RIMS2: variants seen among roughly 807,000 people sequenced by gnomAD.
RIMS2 encodes the protein regulating synaptic membrane exocytosis protein 2.
In RIMS2, 59 loss-of-function variants were observed where a neutral mutation model predicts 174.4. The ratio of observed to expected loss-of-function variants is 0.34; its 90% CI spans 0.27 to 0.42. The LOEUF (loss-of-function observed/expected upper bound fraction) is 0.42, where lower values mean the gene tolerates loss of function less well. RIMS2 is among the 10% of genes least tolerant of loss of function. The pLI is 1.00. For missense variants in RIMS2, 1,620 were observed against 1,666.3 expected (o/e 0.97, Z 0.48); for synonymous variants, 606 against 572.5 (o/e 1.06, Z -0.84).
intron 1 of RIMS2, among the ~76,000 whole-genome samples, chr8:103,573,335 G>A (rs1297066526): frequency 1.3e-5 from 2 of 152,012 alleles, no homozygotes; most frequent in African/African-American, 2.4e-5. Flanking sequence ...AAGTGTTGGG[G>A]TTACAGGCAT....
At chr8:104,161,665 C>G (rs1453699269) in intron 19 of RIMS2, among the ~76,000 whole-genome samples, 1 of 152,200 alleles carries the variant, frequency 6.6e-6, no homozygotes, top group Non-Finnish European at 1.5e-5. Flanking sequence ...ATTAGCTTAG[C>G]AACTTAAAAC....
chr8:103,816,695 T>C (rs2098720624), intron 3 of RIMS2, among the ~76,000 whole-genome samples: 3 of 152,220 alleles, frequency 2.0e-5, no homozygotes, highest in Admixed American at 2.0e-4. Context: ...TCTGGGATAC[T>C]GAGGGAACTA....
intron 19 of RIMS2, among the ~76,000 whole-genome samples, chr8:104,021,568 G>A (rs2096089940): frequency 6.6e-6 from 1 of 152,298 alleles, no homozygotes; most frequent in Admixed American, 6.5e-5. Context: ...AATGTGTCAA[G>A]ATCGTATCTT....
At chr8:103,986,899 T>TAA (rs146609984) in intron 16 of RIMS2, among the ~76,000 whole-genome samples, 8 of 145,132 alleles carry the variant, frequency 5.5e-5, no homozygotes, top group Non-Finnish European at 1.1e-4. Context: ...AAAATAAAAT[T>TAA]AAAAAAAAAA....
intron 3 of RIMS2, among the ~76,000 whole-genome samples, chr8:103,837,907 A>AT (rs1333062283): frequency 6.7e-6 from 1 of 149,796 alleles, no homozygotes; most frequent in Non-Finnish European, 1.5e-5. Flanking sequence ...TACTTGCCTC[A>AT]TAGTGCCCCG....
intron 1 of RIMS2, among the ~76,000 whole-genome samples, chr8:103,592,343 A>T (rs2094302394): frequency 6.6e-6 from 1 of 151,214 alleles, no homozygotes; most frequent in African/African-American, 2.4e-5. Flanking sequence ...CAGAGTGTTT[A>T]TTATTGATAG....
chr8:103,693,721 G>A (rs746995195), intron 1 of RIMS2, among the ~76,000 whole-genome samples: 13 of 152,174 alleles, frequency 8.5e-5, no homozygotes, highest in Admixed American at 6.5e-4. Context: ...TGGGTCAGCA[G>A]GTGTGTGTCC....
At chr8:104,087,473 C>G (rs963997544) in intron 19 of RIMS2, among the ~76,000 whole-genome samples, 8 of 152,108 alleles carry the variant, frequency 5.3e-5, no homozygotes, top group African/African-American at 1.9e-4. Flanking sequence ...AGTTGAGGAA[C>G]ATTCGAAGCA....
intron 1 of RIMS2, among the ~76,000 whole-genome samples, chr8:103,577,864 G>A (rs1371303364): frequency 6.6e-6 from 1 of 152,074 alleles, no homozygotes; most frequent in Non-Finnish European, 1.5e-5. Context: ...GCAGAGGTAA[G>A]AATTAGTGAG....
chr8:104,027,967 G>A (rs191993053), intron 19 of RIMS2, among the ~76,000 whole-genome samples: 5 of 152,088 alleles, frequency 3.3e-5, no homozygotes, highest in Non-Finnish European at 7.4e-5. Context: ...GGGTCTCACT[G>A]TCACTCAGGC....
intron 19 of RIMS2, among the ~76,000 whole-genome samples, chr8:104,107,077 G>T (rs1023893567): frequency 1.3e-5 from 2 of 151,882 alleles, no homozygotes; most frequent in African/African-American, 4.8e-5. Context: ...TTTTAAGGAA[G>T]AAACAATTCC....
chr8:103,590,341 G>A (rs1001675552), intron 1 of RIMS2, among the ~76,000 whole-genome samples: 9 of 151,342 alleles, frequency 5.9e-5, no homozygotes, highest in Admixed American at 5.3e-4. Flanking sequence ...ACAGAAATCA[G>A]TATCATTAAA....
chr8:103,753,212 G>A (rs535333043), intron 2 of RIMS2, among the ~76,000 whole-genome samples: 1 of 152,144 alleles, frequency 6.6e-6, no homozygotes, highest in African/African-American at 2.4e-5. Context: ...TTTGTCTTTG[G>A]TTCTGTTTAT....
At chr8:103,594,894 A>G (rs1316653062) in intron 1 of RIMS2, among the ~76,000 whole-genome samples, 1 of 151,818 alleles carries the variant, frequency 6.6e-6, no homozygotes, top group East Asian at 1.9e-4. Context: ...AAAGTCCATG[A>G]AACCTGGGAA....
chr8:104,162,202 G>A (rs1466525105), intron 19 of RIMS2, among the ~76,000 whole-genome samples: 2 of 152,042 alleles, frequency 1.3e-5, no homozygotes, highest in East Asian at 1.9e-4. Flanking sequence ...TAGATGAAAA[G>A]GTAAGGAAAT....
At chr8:103,681,825 A>G (rs968385703) in intron 1 of RIMS2, among the ~76,000 whole-genome samples, 1 of 152,048 alleles carries the variant, frequency 6.6e-6, no homozygotes, top group Non-Finnish European at 1.5e-5. Flanking sequence ...GAAGGGAAGA[A>G]GCATGGATGT....
chr8:103,746,289 T>C (rs931563920), intron 2 of RIMS2, among the ~76,000 whole-genome samples: 1 of 152,180 alleles, frequency 6.6e-6, no homozygotes, highest in African/African-American at 2.4e-5. Flanking sequence ...TCAATTCTAT[T>C]CCCTTGACCT....
At chr8:104,212,642 C>A (rs567437269) in intron 19 of RIMS2, among the ~76,000 whole-genome samples, 1 of 152,254 alleles carries the variant, frequency 6.6e-6, no homozygotes, top group African/African-American at 2.4e-5. Flanking sequence ...TTAACTAAAA[C>A]TAAATCATGA....
In RIMS2 at chr8:103,647,415, G is replaced by A. The variant is rs75600780; in HGVS notation, c.177-49671G>A. On this transcript the variant is annotated intron_variant, in intron 1 of 23. Coordinates refer to ENST00000504942, the Ensembl canonical transcript of RIMS2. ...GTTGTTGTATCTGTGCCAGGTTTTG[G>A]TATCAGTATGATGTTGACCTCATAG... Among the ~76,000 whole-genome samples the A allele has an allele frequency of 8.9e-3, 1,349 of 152,042 alleles. 10 individuals are homozygous for A. The highest frequency in any genetic ancestry group is 0.014 in the Non-Finnish European group (961 of 67,994).
Sources: allele counts gnomAD v4.1 joint callset (sites outside exome capture counted in the v4.1 genomes callset), GRCh38; gene constraint gnomAD v4.1.1; transcripts MANE v1.5; gene names NCBI Gene and HGNC (gene_info 2026-07-23, HGNC 2026-07-21).